The following DSCAM variants were observed in gnomAD, a reference collection of about 807,000 sequenced individuals.
DSCAM encodes cell adhesion molecule DSCAM.
Under a neutral mutation model 217.7 loss-of-function variants are expected in DSCAM, and 47 were observed. The ratio of observed to expected loss-of-function variants is 0.22; its 90% CI spans 0.17 to 0.28. The LOEUF (loss-of-function observed/expected upper bound fraction) is 0.28. Ranked by LOEUF, DSCAM falls within the 10% of genes least tolerant of loss-of-function variation. The probability of loss-of-function intolerance (pLI) is 1.00; values close to 1 mark genes in which losing one functional copy is unlikely to be tolerated. For missense variants in DSCAM, 2,080 were observed against 2,618.3 expected, an observed-to-expected ratio of 0.79 and a Z score of 4.49; for synonymous variants, 1,056 against 1,015.3, an observed-to-expected ratio of 1.04 and a Z score of -0.76.
chr21:40,306,950 G>A (rs1184903301), intron 9 of DSCAM, among the ~76,000 whole-genome samples: 1 of 152,048 alleles, frequency 6.6e-6, no homozygotes, highest in African/African-American at 2.4e-5. Context: ...GATGACGCTG[G>A]CCTCATAAAA....
intron 1 of DSCAM, among the ~76,000 whole-genome samples, chr21:40,779,925 TTA>T (rs1052825032): frequency 9.2e-5 from 14 of 152,140 alleles, no homozygotes; most frequent in African/African-American, 3.4e-4. Flanking sequence ...CAACTAAGAT[TTA>T]TATATACAGC....
chr21:40,289,690 C>A (rs1185074292), intron 10 of DSCAM, among the ~76,000 whole-genome samples: 1 of 152,104 alleles, frequency 6.6e-6, no homozygotes, highest in Admixed American at 6.6e-5. Context: ...ATAAATTAAA[C>A]TTTATCAGGG....
At chr21:40,503,206 G>A (rs2076183389) in intron 3 of DSCAM, among the ~76,000 whole-genome samples, 2 of 152,204 alleles carry the variant, frequency 1.3e-5, no homozygotes, top group South Asian at 4.1e-4. Context: ...CTGATGGGTT[G>A]CAGGGCTAAA....
At chr21:40,828,948 G>A (rs2091991603) in intron 1 of DSCAM, among the ~76,000 whole-genome samples, 2 of 152,184 alleles carry the variant, frequency 1.3e-5, no homozygotes, top group Non-Finnish European at 2.9e-5. Flanking sequence ...GTGCACACAC[G>A]GCCACCATCC....
At chr21:40,767,878 TTTTCTCTC>T (rs540556588) in intron 1 of DSCAM, among the ~76,000 whole-genome samples, 1,641 of 109,376 alleles carry the variant, frequency 0.015, 91 homozygotes, top group Admixed American at 0.11. Flanking sequence ...TGGCTCACCA[TTTTCTCTC>T]TTTCTCTCTC....
chr21:40,498,643 T>TA (rs2076138825), intron 3 of DSCAM, among the ~76,000 whole-genome samples: 1 of 113,982 alleles, frequency 8.8e-6, no homozygotes, highest in African/African-American at 3.0e-5. Flanking sequence ...TATATATATA[T>TA]ATAGTGTGTG....
chr21:40,653,586 C>G (rs1267420574), intron 3 of DSCAM, among the ~76,000 whole-genome samples: 1 of 152,168 alleles, frequency 6.6e-6, no homozygotes, highest in Non-Finnish European at 1.5e-5. Flanking sequence ...ACCCTCTCTA[C>G]TTGGTCTGCT....
intron 29 of DSCAM, among the ~76,000 whole-genome samples, chr21:40,053,649 T>C (rs189999171): frequency 8.5e-5 from 13 of 152,328 alleles, no homozygotes; most frequent in Non-Finnish European, 5.9e-5. Context: ...ACAGTTCCAC[T>C]TCCCAGTAAT....
At chr21:40,582,337 G>A (rs188339727) in intron 3 of DSCAM, among the ~76,000 whole-genome samples, 8 of 151,880 alleles carry the variant, frequency 5.3e-5, no homozygotes, top group South Asian at 4.2e-4. Context: ...GGTGAGTTTC[G>A]GTTTGCAGGT....
intron 4 of DSCAM, among the ~76,000 whole-genome samples, chr21:40,358,713 A>G (rs1245170299): frequency 6.6e-6 from 1 of 151,874 alleles, no homozygotes; most frequent in Non-Finnish European, 1.5e-5. Flanking sequence ...GAGGCAGGAT[A>G]ATAGCTTGAA....
chr21:40,746,514 T>C (rs1190864177), intron 1 of DSCAM, among the ~76,000 whole-genome samples: 1 of 151,858 alleles, frequency 6.6e-6, no homozygotes, highest in Non-Finnish European at 1.5e-5. Flanking sequence ...ATTGTAAATA[T>C]GTATGCACCC....
intron 11 of DSCAM, among the ~76,000 whole-genome samples, chr21:40,192,303 T>C (rs1438276672): frequency 6.6e-6 from 1 of 152,166 alleles, no homozygotes; most frequent in African/African-American, 2.4e-5. Context: ...ATAAATACAA[T>C]TCGTCTCCCA....
At chr21:40,112,953 C>A (rs1363349765) in intron 20 of DSCAM, among the ~76,000 whole-genome samples, 1 of 152,138 alleles carries the variant, frequency 6.6e-6, no homozygotes, top group African/African-American at 2.4e-5. Context: ...AAGTCCAGGA[C>A]CAGATGGATT....
chr21:40,043,085 G>A (rs902624953), intron 31 of DSCAM, among the ~76,000 whole-genome samples: 1 of 152,152 alleles, frequency 6.6e-6, no homozygotes, highest in Non-Finnish European at 1.5e-5. Flanking sequence ...CAGCTTCTGG[G>A]GCCTCAGCTC....
At chr21:40,606,147 TAAAC>T (rs1421341471) in intron 3 of DSCAM, among the ~76,000 whole-genome samples, 2 of 152,220 alleles carry the variant, frequency 1.3e-5, no homozygotes, top group Non-Finnish European at 2.9e-5. Flanking sequence ...CATTTTTCTT[TAAAC>T]AAATACTCTA....
intron 3 of DSCAM, among the ~76,000 whole-genome samples, chr21:40,535,536 G>A (rs961789391): frequency 3.3e-5 from 5 of 152,200 alleles, no homozygotes; most frequent in Non-Finnish European, 7.3e-5. Flanking sequence ...CTACTGTAGA[G>A]ACTCAACTAA....
rs1041676914 is a variant in DSCAM, at chr21:40,017,626, C to T, written c.5687-4240G>A. Among the ~76,000 whole-genome samples the T allele has an allele frequency of 8.6e-4, 130 of 150,788 alleles. 1 individual carries two copies. The highest frequency in any genetic ancestry group is 3.0e-3 in the African/African-American group (124 of 40,990). On this transcript the variant is annotated intron_variant, in intron 32 of 32. Transcript: ENST00000400454. Reference sequence around the variant, plus strand: ...GCCCAGGCTGGAGTGCAACTCGGTTCGCCACAACCTCCACCTCCCGGTTCA... The same window carrying T: ...GCCCAGGCTGGAGTGCAACTCGGTTTGCCACAACCTCCACCTCCCGGTTCA...
intron 3 of DSCAM, among the ~76,000 whole-genome samples, chr21:40,611,418 A>C (rs1310948364): frequency 6.6e-6 from 1 of 152,090 alleles, no homozygotes; most frequent in African/African-American, 2.4e-5. Context: ...TATCATTTCC[A>C]CATGTAATTC....
chr21:40,589,755 A>G (rs1033050689), intron 3 of DSCAM, among the ~76,000 whole-genome samples: 2 of 152,218 alleles, frequency 1.3e-5, no homozygotes, highest in Non-Finnish European at 2.9e-5. Context: ...GGAGTTTGCA[A>G]TCTAGCATGT....
Sources: allele counts gnomAD v4.1 joint callset (sites outside exome capture counted in the v4.1 genomes callset), GRCh38; gene constraint gnomAD v4.1.1; transcripts MANE v1.5; gene names NCBI Gene and HGNC (gene_info 2026-07-23, HGNC 2026-07-21).